FARP2: variants seen among roughly 807,000 people sequenced by gnomAD.
FARP2 encodes the protein FERM, ARH/RhoGEF and pleckstrin domain protein 2.
In FARP2, 111 loss-of-function variants were observed where a neutral mutation model predicts 130.5. The ratio of observed to expected loss-of-function variants is 0.85; its 90% CI spans 0.73 to 1.00. FARP2 has a LOEUF of 1.00. Ranked by LOEUF, FARP2 falls within the 50% of genes least tolerant of loss-of-function variation. The probability of loss-of-function intolerance (pLI) is 0.00; values close to 1 mark genes in which losing one functional copy is unlikely to be tolerated. For missense variants in FARP2, 1,385 were observed against 1,346.3 expected (o/e 1.03, Z -0.45); for synonymous variants, 504 against 516.9 (o/e 0.98, Z 0.34).
intron 7 of FARP2, among the ~76,000 whole-genome samples, chr2:241,417,289 C>T (rs2062697458): frequency 2.7e-5 from 4 of 150,528 alleles, no homozygotes; most frequent in Admixed American, 6.6e-5. Context: ...CAGAGTGAGA[C>T]TCCATCAAAA....
rs1320806398 is a variant in FARP2, at chr2:241,482,863, T to C, written c.2263-602T>C. On this transcript the variant is annotated intron_variant, in intron 19 of 26. Coordinates refer to ENST00000264042, the MANE Select transcript of FARP2 (RefSeq NM_014808.4). The surrounding 1 kb of genome is among the most constrained non-coding windows in gnomAD (Gnocchi z 4.6). ...CCCTATCTGCGCAGGTGTCTGATAC[T>C]GGCAGGATTCTTTTTTCTTATCTAA... Among the ~76,000 whole-genome samples, 2 of 152,180 alleles carry C rather than the reference T, an allele frequency of 1.3e-5. No homozygotes were observed. The highest frequency in any genetic ancestry group is 2.9e-5 in the Non-Finnish European group (2 of 68,034).
intron 21 of FARP2, chr2:241,489,250 CCTGA>C (rs775721421): frequency 1.3e-5 from 2 of 152,178 alleles, no homozygotes; most frequent in Admixed American, 6.6e-5. Context: ...GGCCCTCGTT[CCTGA>C]CTGTTAAGGG....
chr2:241,361,330 A>G (rs1162730950), intron 1 of FARP2, among the ~76,000 whole-genome samples: 6 of 152,216 alleles, frequency 3.9e-5, no homozygotes, highest in East Asian at 1.9e-4. Context: ...GAATACCCGC[A>G]TTGAGATTGC....
intron 8 of FARP2, among the ~76,000 whole-genome samples, chr2:241,428,489 C>A (rs1422670525): frequency 6.6e-6 from 1 of 151,996 alleles, no homozygotes; most frequent in African/African-American, 2.4e-5. Context: ...AGCCACAGCA[C>A]CTGGCCTTCA....
At chr2:241,389,598 A>C (rs1017259779) in intron 2 of FARP2, among the ~76,000 whole-genome samples, 1 of 152,166 alleles carries the variant, frequency 6.6e-6, no homozygotes, top group Admixed American at 6.5e-5. Flanking sequence ...TTAAAATCTT[A>C]CTCAAGGTTA....
rs759670119 is a variant in FARP2, at chr2:241,463,986, C to T, written c.1893+6C>T. The stretch of plus-strand genomic sequence containing the variant: ...GGAACATGCGCCAGTTAAAGGTAGG[C>T]TGCATGGTGACTACTGCCTACATGA... On this transcript the variant is annotated splice_donor_region_variant and intron_variant, in intron 17 of 26. Coordinates refer to ENST00000264042, the MANE Select transcript of FARP2 (RefSeq NM_014808.4). 7.4e-6 allele frequency: 12 copies of T among 1,611,506 alleles called. No homozygotes were observed.
chr2:241,396,060 C>G (rs1386572322), intron 2 of FARP2: 1 of 151,890 alleles, frequency 6.6e-6, no homozygotes, highest in African/African-American at 2.4e-5. Context: ...CTTTGACAAA[C>G]CTGAGAAAAA....
At chr2:241,439,147 C>T (rs1043992213) in intron 12 of FARP2, among the ~76,000 whole-genome samples, 2 of 151,930 alleles carry the variant, frequency 1.3e-5, no homozygotes, top group African/African-American at 4.8e-5. Flanking sequence ...TCCCAAGTAG[C>T]TGAGACTACA....
intron 2 of FARP2, chr2:241,395,680 C>G (rs986885138): frequency 2.0e-5 from 3 of 152,166 alleles, no homozygotes; most frequent in African/African-American, 7.2e-5. Context: ...TATTTATGGT[C>G]ATAACAGAAA....
At chr2:241,424,318 C>A (rs906700909) in intron 8 of FARP2, among the ~76,000 whole-genome samples, 1 of 152,154 alleles carries the variant, frequency 6.6e-6, no homozygotes, top group African/African-American at 2.4e-5. Flanking sequence ...TCACTGAAAA[C>A]CACACAACTA....
intron 2 of FARP2, among the ~76,000 whole-genome samples, chr2:241,373,821 GT>G (rs1295738599): frequency 1.3e-5 from 2 of 152,176 alleles, no homozygotes; most frequent in Admixed American, 6.5e-5. Context: ...TGATAATACA[GT>G]TTTTATTTTG....
At chr2:241,476,048 A>G in intron 19 of FARP2, 61 bp downstream of exon 19, 1 of 1,496,196 alleles carries the variant, frequency 6.7e-7, no homozygotes, top group Non-Finnish European at 9.2e-7. Flanking sequence ...TTGAGATATA[A>G]TTTACATACC....
chr2:241,380,497 T>G (rs1307480214), intron 2 of FARP2, among the ~76,000 whole-genome samples: 1 of 152,130 alleles, frequency 6.6e-6, no homozygotes, highest in African/African-American at 2.4e-5. Context: ...TCTAACATGC[T>G]TAGGATCAGA....
Position 241,409,846 on chromosome 2 carries a change from A to T in FARP2, c.411-1187A>T, listed in dbSNP as rs58798677. 7.2e-5 allele frequency among the ~76,000 whole-genome samples: 11 copies of T among 152,162 alleles called. 1 individual carries two copies. Among genetic ancestry groups the T allele is most frequent in the Admixed American group, 6.5e-4 (10 of 15,278 alleles). On this transcript the variant is annotated intron_variant, in intron 5 of 26. Coordinates refer to ENST00000264042, the MANE Select transcript of FARP2 (RefSeq NM_014808.4). ...AATTTCATCATTCTCATATTCATCC[A>T]TATTTCCAATATTTCTCTGTTATAA...
chr2:241,409,077 T>TAGAC (rs1489556837), intron 5 of FARP2, among the ~76,000 whole-genome samples: 1 of 151,970 alleles, frequency 6.6e-6, no homozygotes, highest in African/African-American at 2.4e-5. Context: ...GATAGATAGA[T>TAGAC]ACCTGAAAAT....
chr2:241,393,956 T>C (rs1349552292), intron 2 of FARP2, among the ~76,000 whole-genome samples: 2 of 152,242 alleles, frequency 1.3e-5, no homozygotes, highest in African/African-American at 4.8e-5. Context: ...CAGCCTAGTA[T>C]TGAAACAGTT....
intron 1 of FARP2, among the ~76,000 whole-genome samples, chr2:241,365,042 T>A (rs772104437): frequency 1.3e-5 from 2 of 152,206 alleles, no homozygotes; most frequent in African/African-American, 2.4e-5. Context: ...TTATGGAAAG[T>A]AGAGACTGGG....
At chr2:241,416,578 G>A (rs2062679081) in intron 7 of FARP2, among the ~76,000 whole-genome samples, 1 of 152,132 alleles carries the variant, frequency 6.6e-6, no homozygotes. Context: ...TCACTGAATA[G>A]GATATTAAAG....
chr2:241,439,897 G>A (rs1203169154), intron 12 of FARP2, among the ~76,000 whole-genome samples: 1 of 152,130 alleles, frequency 6.6e-6, no homozygotes, highest in African/African-American at 2.4e-5. Flanking sequence ...GGTGGAGGTT[G>A]CAGTGAGCCG....
Sources: allele counts gnomAD v4.1 joint callset (sites outside exome capture counted in the v4.1 genomes callset), GRCh38; gene constraint gnomAD v4.1.1; non-coding constraint Gnocchi (gnomAD v3.1); transcripts MANE v1.5; gene names NCBI Gene and HGNC (gene_info 2026-07-23, HGNC 2026-07-21).